Variants in UBR4 observed in about 807,000 individuals in gnomAD.
UBR4 encodes the protein ubiquitin protein ligase E3 component n-recognin 4.
Under a neutral mutation model 575.6 loss-of-function variants are expected in UBR4, and 124 were observed. The ratio of observed to expected loss-of-function variants is 0.22; its 90% CI spans 0.19 to 0.25. The LOEUF (loss-of-function observed/expected upper bound fraction) is 0.25. UBR4 is among the 10% of genes least tolerant of loss of function. UBR4 has a pLI of 1.00. For missense variants in UBR4, 4,818 were observed against 6,478.8 expected, an observed-to-expected ratio of 0.74 and a Z score of 8.80; for synonymous variants, 2,455 against 2,473.7, an observed-to-expected ratio of 0.99 and a Z score of 0.22.
chr1:19,142,494 G>A (rs1429121318), intron 55 of UBR4, among the ~76,000 whole-genome samples: 1 of 152,202 alleles, frequency 6.6e-6, no homozygotes, highest in Non-Finnish European at 1.5e-5. Flanking sequence ...AGGGAAAAGA[G>A]CCACAAACTG....
intron 84 of UBR4, among the ~76,000 whole-genome samples, 183 bp from the exon 85 acceptor site, chr1:19,105,372 G>A (rs985314040): frequency 2.6e-5 from 4 of 152,172 alleles, no homozygotes; most frequent in African/African-American, 9.7e-5. Flanking sequence ...CCACATCTAG[G>A]AAGCATTCAG....
Position 19,187,180 on chromosome 1 carries a change from G to A in UBR4, c.1616C>T (p.Ser539Leu). 3 of 1,609,994 alleles carry A rather than the reference G, an allele frequency of 1.9e-6. No homozygotes were observed. Among genetic ancestry groups the A allele is most frequent in the Non-Finnish European group, 2.5e-6 (3 of 1,177,568 alleles). Residue 539 changes from serine to leucine, a missense_variant, in exon 13 of 106, where the codon TCA becomes TTA. Ser to Leu is a moderately radical substitution (Grantham distance 145). Coordinates refer to ENST00000375254, the MANE Select transcript of UBR4 (RefSeq NM_020765.3). ...PLMNLLLTLL[S>L]TSYRKACVLQ... ...CCCACCCACCTTTCTGTAGGAAGTT[G>A]AAAGTAACGTCAAGAGCAGGTTCAT...
chr1:19,187,313 G>T lies in UBR4; in HGVS notation c.1495-12C>A. The T allele has an allele frequency of 3.7e-6, 6 of 1,611,836 alleles. No homozygotes were observed. The highest frequency in any genetic ancestry group is 4.2e-6 in the Non-Finnish European group (5 of 1,178,338). ...TCTGTCTCCCAACCCTGAAGGCAAT[G>T]ATATCAAAGGGCAATTAATGATACT... On this transcript the variant is annotated splice_polypyrimidine_tract_variant and intron_variant, in intron 12 of 105. Coordinates refer to ENST00000375254, the MANE Select transcript of UBR4 (RefSeq NM_020765.3).
chr1:19,087,396 A>G (rs2077122976), intron 99 of UBR4, among the ~76,000 whole-genome samples: 1 of 152,174 alleles, frequency 6.6e-6, no homozygotes, highest in African/African-American at 2.4e-5. Flanking sequence ...CTCCCCAGTT[A>G]CCCTGAATGG....
chr1:19,106,528 C>G (rs368412193), intron 83 of UBR4, 41 bp downstream of exon 83: 48 of 1,510,368 alleles, frequency 3.2e-5, no homozygotes, highest in Non-Finnish European at 3.8e-5. Context: ...AGTCTGGGGT[C>G]AGGGGCGCAG....
At chr1:19,147,904 C>T in intron 51 of UBR4, 89 bp downstream of exon 51, 3 of 1,537,274 alleles carry the variant, frequency 2.0e-6, no homozygotes, top group Non-Finnish European at 2.6e-6. Flanking sequence ...CTCTACCTTA[C>T]TTTGCTGTGC....
At chr1:19,175,582 A>C (rs1256953703) in intron 20 of UBR4, among the ~76,000 whole-genome samples, 1 of 152,216 alleles carries the variant, frequency 6.6e-6, no homozygotes, top group Admixed American at 6.5e-5. Flanking sequence ...GACAATTGCT[A>C]TATGAGAAAA....
intron 37 of UBR4, among the ~76,000 whole-genome samples, 195 bp from the exon 38 acceptor site, chr1:19,161,342 T>C (rs1557848633): frequency 6.6e-6 from 1 of 152,238 alleles, no homozygotes; most frequent in African/African-American, 2.4e-5. Flanking sequence ...GTATCAGGCC[T>C]TATTATAACG....
Position 19,088,417 on chromosome 1 carries a change from A to C in UBR4, c.14430+342T>G, listed in dbSNP as rs796802252. Among the ~76,000 whole-genome samples the C allele has an allele frequency of 7.2e-5, 11 of 152,282 alleles. No homozygotes were observed. The highest frequency in any genetic ancestry group is 2.6e-4 in the African/African-American group (11 of 41,560). On this transcript the variant is annotated intron_variant, in intron 98 of 105. Coordinates refer to ENST00000375254, the MANE Select transcript of UBR4 (RefSeq NM_020765.3). This position sits in a 1 kb window ranked among gnomAD's most constrained non-coding sequence, Gnocchi z 4.0. ...ACTTATTAGTTATGTGCCTTGGCCT[A>C]TTTACTTCACCTCTCAGTTTCAGTT... is the stretch of plus-strand genomic sequence containing the variant.
At position 19,093,200 on chromosome 1, in the gene UBR4, C is replaced by T. The variant is rs1343037683; in HGVS notation, c.14111+113G>A. 1.5e-6 allele frequency: 2 copies of T among 1,377,678 alleles called. No homozygotes were observed. The highest frequency in any genetic ancestry group is 2.0e-6 in the Non-Finnish European group (2 of 1,003,200). The allele number at this position is 1,377,678 out of a possible 1,614,324, so 85.3% of individuals were successfully genotyped here. On this transcript the variant is annotated intron_variant, in intron 96 of 105. Coordinates refer to ENST00000375254, the MANE Select transcript of UBR4 (RefSeq NM_020765.3). The surrounding 1 kb of genome is among the most constrained non-coding windows in gnomAD (Gnocchi z 4.8). ...ATAGTTTCCAGAAGCGGTTGGGAGG[C>T]CCCAAGGAGGGCAAGGGGCACACGT...
At chr1:19,176,024 C>A (rs1219472551) in intron 20 of UBR4, among the ~76,000 whole-genome samples, 2 of 152,062 alleles carry the variant, frequency 1.3e-5, no homozygotes, top group Non-Finnish European at 2.9e-5. Flanking sequence ...TGGGTTCAAG[C>A]GATCTTCCCA....
chr1:19,195,089 T>C (rs1341644568), intron 8 of UBR4, among the ~76,000 whole-genome samples: 2 of 149,800 alleles, frequency 1.3e-5, no homozygotes, highest in African/African-American at 4.9e-5. Context: ...TGAAACCCCG[T>C]CTCTACTAAA....
At chr1:19,143,294 G>A (rs2150060560) in intron 55 of UBR4, among the ~76,000 whole-genome samples, 1 of 97,342 alleles carries the variant, frequency 1.0e-5, no homozygotes, top group Middle Eastern at 5.6e-3. Context: ...AAGAAAGAAA[G>A]AAAGAAAGAA....
intron 51 of UBR4, 37 bp downstream of exon 51, chr1:19,147,956 C>T (rs1021209850): frequency 1.9e-6 from 3 of 1,599,118 alleles, no homozygotes; most frequent in Admixed American, 1.7e-5. Flanking sequence ...GATTCCCTGT[C>T]AGCACTGCAA....
intron 85 of UBR4, 139 bp from the exon 86 acceptor site, chr1:19,104,805 C>T: frequency 8.8e-7 from 1 of 1,139,586 alleles, no homozygotes; most frequent in South Asian, 1.5e-5. Flanking sequence ...AACTCCTTTC[C>T]AGGAAGCCAA....
At chr1:19,129,784 C>T (rs1420940483) in intron 60 of UBR4, among the ~76,000 whole-genome samples, 1 of 152,126 alleles carries the variant, frequency 6.6e-6, no homozygotes, top group Non-Finnish European at 1.5e-5. Flanking sequence ...TAATTAAAGT[C>T]CTACTGACAA....
chr1:19,205,075 T>C (rs1164611728), intron 1 of UBR4, among the ~76,000 whole-genome samples: 2 of 152,238 alleles, frequency 1.3e-5, no homozygotes, highest in Non-Finnish European at 2.9e-5. Flanking sequence ...GTCAAGCATC[T>C]TCCTGAATCA....
At chr1:19,155,364 G>C (rs1206790461) in intron 43 of UBR4, 77 bp downstream of exon 43, 4 of 1,414,322 alleles carry the variant, frequency 2.8e-6, no homozygotes, top group Non-Finnish European at 3.9e-6. Context: ...TGTTATAAAA[G>C]AACAAAGAAA....
At chr1:19,129,207 A>G (rs1040910528) in intron 60 of UBR4, 133 bp from the exon 61 acceptor site, 2 of 679,222 alleles carry the variant, frequency 2.9e-6, no homozygotes, top group Non-Finnish European at 4.9e-6. Flanking sequence ...AATCTCCAGC[A>G]TTAAAAAAAA....
Sources: gnomAD v4.1 joint callset for allele counts (sites outside exome capture counted in the v4.1 genomes callset) on GRCh38, gnomAD v4.1.1 for gene constraint, Gnocchi (gnomAD v3.1) non-coding constraint, MANE v1.5 for transcripts, NCBI Gene and HGNC (gene_info 2026-07-23, HGNC 2026-07-21) for gene names.